Variants in ADARB2 observed in about 807,000 individuals in gnomAD.
ADARB2 encodes the protein adenosine deaminase RNA specific B2 (inactive), also known as inactive double-stranded RNA-specific editase B2.
A neutral mutation model predicts 62.2 loss-of-function variants in ADARB2; 25 were observed. The observed-to-expected ratio is 0.40, with a 90% CI of 0.29 to 0.56. The LOEUF is 0.56. Ranked by LOEUF, ADARB2 falls within the 20% of genes least tolerant of loss-of-function variation. The pLI, the probability that ADARB2 is intolerant of heterozygous loss-of-function variation, is 0.43. For missense variants in ADARB2, 1,071 were observed against 1,077.4 expected (o/e 0.99, Z 0.08); for synonymous variants, 572 against 500.8 (o/e 1.14, Z -1.90).
intron 3 of ADARB2, among the ~76,000 whole-genome samples, chr10:1,344,088 C>T (rs756649045): frequency 2.8e-4 from 43 of 152,184 alleles, no homozygotes; most frequent in Non-Finnish European, 5.1e-4. Context: ...CTGGGTCCTC[C>T]TAATCATGGC....
At chr10:1,557,952 T>G (rs1832728471) in intron 1 of ADARB2, among the ~76,000 whole-genome samples, 1 of 115,306 alleles carries the variant, frequency 8.7e-6, no homozygotes, top group African/African-American at 3.3e-5. Flanking sequence ...CAAAACAAAA[T>G]CCATGTTCTT....
chr10:1,515,139 A>G (rs542552532), intron 1 of ADARB2, among the ~76,000 whole-genome samples: 3 of 152,370 alleles, frequency 2.0e-5, no homozygotes, highest in Non-Finnish European at 4.4e-5. Context: ...TCATTAACAA[A>G]AAAAGAACAA....
intron 1 of ADARB2, among the ~76,000 whole-genome samples, chr10:1,685,745 C>T (rs1187635551): frequency 6.6e-6 from 1 of 152,188 alleles, no homozygotes. Context: ...AATGAAGACA[C>T]CCCAAGGGTC....
At chr10:1,317,756 G>C (rs1831752801) in intron 3 of ADARB2, among the ~76,000 whole-genome samples, 1 of 140,760 alleles carries the variant, frequency 7.1e-6, no homozygotes, top group Non-Finnish European at 1.6e-5. Flanking sequence ...TAGGCCTGGG[G>C]GGGGGTGGGT....
intron 3 of ADARB2, among the ~76,000 whole-genome samples, chr10:1,326,050 C>T (rs181300462): frequency 6.6e-6 from 1 of 152,198 alleles, no homozygotes; most frequent in East Asian, 1.9e-4. Context: ...AAAGTTAAAA[C>T]AGTAGATATG....
intron 1 of ADARB2, among the ~76,000 whole-genome samples, chr10:1,564,784 C>CTTT (rs59446234): frequency 0.17 from 24,730 of 147,196 alleles, 2,197 homozygotes; most frequent in Non-Finnish European, 0.19. Context: ...CTTTTATTAC[C>CTTT]TTTTTTTTTT....
intron 1 of ADARB2, among the ~76,000 whole-genome samples, chr10:1,489,316 C>T (rs7916676): frequency 2.1e-5 from 3 of 141,444 alleles, no homozygotes; most frequent in East Asian, 2.5e-4. Flanking sequence ...GACAGTGCCT[C>T]TCTGGGAGCT....
intron 1 of ADARB2, among the ~76,000 whole-genome samples, chr10:1,462,757 ATG>A (rs1408619022): frequency 2.0e-5 from 3 of 150,276 alleles, no homozygotes; most frequent in Non-Finnish European, 4.4e-5. Context: ...GTATGTATGC[ATG>A]TGTGTGCATG....
chr10:1,454,444 A>G (rs1281452965), intron 1 of ADARB2, among the ~76,000 whole-genome samples: 1 of 152,232 alleles, frequency 6.6e-6, no homozygotes, highest in Non-Finnish European at 1.5e-5. Flanking sequence ...GGAAGCATCT[A>G]TCCATTGACA....
At chr10:1,307,026 G>A (rs1230521861) in intron 3 of ADARB2, among the ~76,000 whole-genome samples, 1 of 113,490 alleles carries the variant, frequency 8.8e-6, no homozygotes, top group African/African-American at 2.8e-5. Flanking sequence ...GCATGGGCAA[G>A]GACTTCATGT....
intron 3 of ADARB2, among the ~76,000 whole-genome samples, chr10:1,335,353 G>A (rs1045060860): frequency 1.3e-5 from 2 of 150,886 alleles, no homozygotes; most frequent in African/African-American, 4.9e-5. Context: ...AAAGGATGAA[G>A]GGAAGGCTGG....
chr10:1,712,462 G>C (rs550765276), intron 1 of ADARB2, among the ~76,000 whole-genome samples: 1 of 151,894 alleles, frequency 6.6e-6, no homozygotes, highest in African/African-American at 2.4e-5. Context: ...TTCTGCATGA[G>C]GAGAGGCTGT....
At chr10:1,658,827 G>A (rs1043169841) in intron 1 of ADARB2, among the ~76,000 whole-genome samples, 3 of 152,232 alleles carry the variant, frequency 2.0e-5, no homozygotes, top group African/African-American at 7.2e-5. Context: ...TCTCGCGGAG[G>A]CTGCTATTGT....
At chr10:1,458,740 G>A (rs929793160) in intron 1 of ADARB2, among the ~76,000 whole-genome samples, 2 of 152,158 alleles carry the variant, frequency 1.3e-5, no homozygotes, top group Non-Finnish European at 2.9e-5. Flanking sequence ...AACCTCATGG[G>A]GAAGGCTTCT....
intron 1 of ADARB2, chr10:1,678,246 G>A (rs1450844734): frequency 1.1e-5 from 11 of 984,872 alleles, no homozygotes; most frequent in Admixed American, 6.2e-5. Flanking sequence ...GAGTGTCCTC[G>A]GGGTGAGCAT....
At chr10:1,642,553 C>A (rs929010235) in intron 1 of ADARB2, among the ~76,000 whole-genome samples, 21 of 152,226 alleles carry the variant, frequency 1.4e-4, no homozygotes, top group African/African-American at 4.6e-4. Flanking sequence ...TCAGAAAAAA[C>A]CACCACATTG....
chr10:1,664,205 C>T (rs993778138), intron 1 of ADARB2, among the ~76,000 whole-genome samples: 5 of 150,846 alleles, frequency 3.3e-5, no homozygotes, highest in East Asian at 2.0e-4. Flanking sequence ...TCTGTGTGTC[C>T]GTGTTTCCAT....
intron 1 of ADARB2, among the ~76,000 whole-genome samples, chr10:1,672,511 T>G (rs367687342): frequency 2.0e-5 from 3 of 152,288 alleles, no homozygotes; most frequent in East Asian, 3.9e-4. Context: ...CAGGCCGCAC[T>G]TCTCCAAGAG....
chr10:1,267,515 G>C (rs933104026), intron 4 of ADARB2, among the ~76,000 whole-genome samples: 4 of 152,218 alleles, frequency 2.6e-5, no homozygotes, highest in Non-Finnish European at 5.9e-5. Context: ...TGGCCTGGGA[G>C]TTCTCTGGGA....
Sources: gnomAD v4.1 joint callset for allele counts (sites outside exome capture counted in the v4.1 genomes callset) on GRCh38, gnomAD v4.1.1 for gene constraint, MANE v1.5 for transcripts, NCBI Gene and HGNC (gene_info 2026-07-23, HGNC 2026-07-21) for gene names.